Variants in MRPL1 observed in about 807,000 individuals in gnomAD.
MRPL1 encodes the protein large ribosomal subunit protein uL1m.
In MRPL1, 28 loss-of-function variants were observed where a neutral mutation model predicts 38.0. That is an observed-to-expected ratio of 0.74 (90% CI 0.55 to 1.01). MRPL1 has a LOEUF of 1.01. MRPL1 is among the 50% of genes least tolerant of loss of function. MRPL1 has a pLI of 0.00. For synonymous variants in MRPL1, 123 were observed against 126.7 expected (o/e 0.97, Z 0.20); for missense variants, 358 against 389.8 (o/e 0.92, Z 0.69).
chr4:77,924,517 G>C (rs879577064), intron 7 of MRPL1, among the ~76,000 whole-genome samples: 7 of 152,018 alleles, frequency 4.6e-5, no homozygotes, highest in Non-Finnish European at 7.3e-5. Context: ...CCACATTTTA[G>C]AGAAGCCCCC....
chr4:77,869,192 C>T (rs1257638024), intron 1 of MRPL1, among the ~76,000 whole-genome samples: 1 of 152,102 alleles, frequency 6.6e-6, no homozygotes, highest in Non-Finnish European at 1.5e-5. Context: ...GGAACTCTAA[C>T]CTTTCACTAT....
chr4:77,922,755 A>T (rs1560470708), intron 7 of MRPL1, among the ~76,000 whole-genome samples: 1 of 152,226 alleles, frequency 6.6e-6, no homozygotes, highest in Non-Finnish European at 1.5e-5. Context: ...GGAATAATGA[A>T]GTTGCTTCTA....
intron 5 of MRPL1, among the ~76,000 whole-genome samples, chr4:77,893,933 G>A (rs531078296): frequency 6.6e-6 from 1 of 151,728 alleles, no homozygotes; most frequent in African/African-American, 2.4e-5. Flanking sequence ...TTTTTTTAAG[G>A]ATGTGGCTGT....
At chr4:77,934,892 G>A (rs1403418177) in intron 7 of MRPL1, among the ~76,000 whole-genome samples, 1 of 152,162 alleles carries the variant, frequency 6.6e-6, no homozygotes, top group African/African-American at 2.4e-5. Context: ...CATGAACCTT[G>A]AGAACATTTT....
chr4:77,882,650 G>A (rs1179535626), intron 2 of MRPL1, among the ~76,000 whole-genome samples: 1 of 152,116 alleles, frequency 6.6e-6, no homozygotes, highest in Non-Finnish European at 1.5e-5. Context: ...TTGTAGCATT[G>A]ATCAATATTT....
chr4:77,941,824 GTTTCA>G (rs1381344210), intron 7 of MRPL1, among the ~76,000 whole-genome samples: 2 of 151,902 alleles, frequency 1.3e-5, no homozygotes, highest in South Asian at 4.1e-4. Flanking sequence ...CCATCCATTT[GTTTCA>G]TTTATCTTTT....
chr4:77,893,731 T>C (rs556961548), intron 5 of MRPL1, among the ~76,000 whole-genome samples: 1 of 152,290 alleles, frequency 6.6e-6, no homozygotes, highest in South Asian at 2.1e-4. Context: ...GCTAGTGAGT[T>C]TGGCAGTTAG....
At chr4:77,913,039 T>C (rs1736324952) in intron 7 of MRPL1, among the ~76,000 whole-genome samples, 1 of 152,014 alleles carries the variant, frequency 6.6e-6, no homozygotes, top group African/African-American at 2.4e-5. Flanking sequence ...TATATAATAA[T>C]TAAGTAAAAA....
chr4:77,898,901 A>G (rs1735976141), intron 6 of MRPL1, among the ~76,000 whole-genome samples: 1 of 152,038 alleles, frequency 6.6e-6, no homozygotes. Context: ...TGAACAAGAC[A>G]GACAAAGTTC....
At chr4:77,944,846 C>A (rs957124171) in intron 7 of MRPL1, among the ~76,000 whole-genome samples, 1 of 152,030 alleles carries the variant, frequency 6.6e-6, no homozygotes, top group African/African-American at 2.4e-5. Flanking sequence ...ATAAAGATCA[C>A]GAACTTGTAA....
At chr4:77,896,192 G>T (rs1578046208) in intron 6 of MRPL1, among the ~76,000 whole-genome samples, 1 of 124,320 alleles carries the variant, frequency 8.0e-6, no homozygotes, top group Non-Finnish European at 1.7e-5. Context: ...TTTTCTCATT[G>T]GCATCTCAAT....
Position 77,920,165 on chromosome 4 carries a change from G to A in MRPL1, c.777+10793G>A, listed in dbSNP as rs117347056. 2.0e-5 allele frequency among the ~76,000 whole-genome samples: 3 copies of A among 152,190 alleles called. No homozygotes were observed. The East Asian group carries it at 5.8e-4, about 29-fold the overall frequency. ...TGCTTTGCTATCATTGTAGCAACTTGGTAGAATTTGCCACATTTTGTAAAA... is the reference window on the plus strand; with the variant it reads ...TGCTTTGCTATCATTGTAGCAACTTAGTAGAATTTGCCACATTTTGTAAAA... On this transcript the variant is annotated intron_variant, in intron 7 of 8. Transcript: ENST00000315567.
At chr4:77,927,054 C>T (rs761557239) in intron 7 of MRPL1, among the ~76,000 whole-genome samples, 1 of 150,956 alleles carries the variant, frequency 6.6e-6, no homozygotes, top group African/African-American at 2.4e-5. Context: ...CTTTTTTATC[C>T]CACTCTTTTA....
intron 6 of MRPL1, among the ~76,000 whole-genome samples, chr4:77,898,120 C>T (rs1560465184): frequency 6.6e-6 from 1 of 152,200 alleles, no homozygotes; most frequent in Non-Finnish European, 1.5e-5. Flanking sequence ...GCCTTGCTCA[C>T]TTTCTCATTC....
chr4:77,943,888 C>G (rs1195677346), intron 7 of MRPL1, among the ~76,000 whole-genome samples: 1 of 152,034 alleles, frequency 6.6e-6, no homozygotes, highest in Non-Finnish European at 1.5e-5. Context: ...TCAGGGATTT[C>G]TTCTTGGTTT....
intron 2 of MRPL1, among the ~76,000 whole-genome samples, chr4:77,874,468 A>G (rs1205092616): frequency 6.6e-6 from 1 of 152,156 alleles, no homozygotes; most frequent in Admixed American, 6.5e-5. Context: ...GTGAATAATC[A>G]TGCATATAGA....
In MRPL1 at chr4:77,898,785, C is replaced by T. The variant is rs55847454; in HGVS notation, c.670+4535C>T. Among the ~76,000 whole-genome samples, 199 of 151,786 alleles carry T rather than the reference C, an allele frequency of 1.3e-3. 3 individuals are homozygous for T. The highest frequency in any genetic ancestry group is 2.5e-3 in the Non-Finnish European group (168 of 67,920). On this transcript the variant is annotated intron_variant, in intron 6 of 8. Transcript: ENST00000315567. ...CTGGGATTACATGCGTGAGCCACCG[C>T]ACCCAGCTTGGACTATATACAATTT...
chr4:77,879,675 T>C (rs935389768), intron 2 of MRPL1, among the ~76,000 whole-genome samples: 2 of 152,216 alleles, frequency 1.3e-5, no homozygotes, highest in African/African-American at 2.4e-5. Context: ...AAACAGGCTC[T>C]CCAAAATCCT....
chr4:77,952,695 G>A lies in MRPL1; in HGVS notation c.*88G>A. Reference sequence around the variant, plus strand: ...GCATAATTTTTACATTTGATGTCTTGTTATTGATCATACTTGAAAGTGAAC... The same window carrying A: ...GCATAATTTTTACATTTGATGTCTTATTATTGATCATACTTGAAAGTGAAC... On this transcript the variant is annotated 3_prime_UTR_variant, in exon 9 of 9. Coordinates refer to ENST00000315567, the MANE Select transcript of MRPL1 (RefSeq NM_020236.4). 1.3e-6 allele frequency: 1 copy of A among 778,224 alleles called. No homozygotes were observed. Among genetic ancestry groups the A allele is most frequent in the Non-Finnish European group, 2.1e-6 (1 of 476,932 alleles). The allele number at this position is 778,224 out of a possible 1,614,324, so 48.2% of individuals were successfully genotyped here.
Sources: gnomAD v4.1 joint callset for allele counts (sites outside exome capture counted in the v4.1 genomes callset) on GRCh38, gnomAD v4.1.1 for gene constraint, MANE v1.5 for transcripts, NCBI Gene and HGNC (gene_info 2026-07-23, HGNC 2026-07-21) for gene names.